The following OSGIN2 variants were observed in gnomAD, a reference collection of about 807,000 sequenced individuals.
The protein encoded by OSGIN2 is oxidative stress induced growth inhibitor family member 2.
In OSGIN2, 19 loss-of-function variants were observed where a neutral mutation model predicts 53.8. The ratio of observed to expected loss-of-function variants is 0.35; its 90% CI spans 0.25 to 0.52. OSGIN2 has a LOEUF of 0.52. OSGIN2 is among the 20% of genes least tolerant of loss of function. The pLI is 0.95. For missense variants in OSGIN2, 520 were observed against 662.7 expected, an observed-to-expected ratio of 0.78 and a Z score of 2.36; for synonymous variants, 236 against 236.0, an observed-to-expected ratio of 1.00 and a Z score of 0.00.
intron 2 of OSGIN2, among the ~76,000 whole-genome samples, chr8:89,910,648 A>G (rs1417442631): frequency 6.6e-6 from 1 of 152,198 alleles, no homozygotes; most frequent in Non-Finnish European, 1.5e-5. Context: ...GATATCAGGG[A>G]CCATACGTCA....
chr8:89,913,834 C>A (rs1809021153), intron 2 of OSGIN2, among the ~76,000 whole-genome samples: 1 of 152,066 alleles, frequency 6.6e-6, no homozygotes. Flanking sequence ...GGAAATAGGT[C>A]AATTTAGAGA....
chr8:89,909,627 T>G lies in OSGIN2; in HGVS notation c.105T>G (p.Gly35=). Residue 35 remains glycine, a synonymous_variant, in exon 2 of 6, where the codon GGT becomes GGG. Coordinates refer to ENST00000451899, the MANE Select transcript of OSGIN2 (RefSeq NM_001126111.3). Reference sequence around the variant, plus strand: ...TTAATTCCTTAGTGCAATACTTTGGTGACAACTTGGGGCGAAAAGTTAAAG... The same window carrying G: ...TTAATTCCTTAGTGCAATACTTTGGGGACAACTTGGGGCGAAAAGTTAAAG... ...EIFNSLVQYF[G]DNLGRKVKAM... is the part of the protein sequence containing the mutation. 1 of 1,610,322 alleles carries G rather than the reference T, an allele frequency of 6.2e-7. No homozygotes were observed. The highest frequency in any genetic ancestry group is 8.5e-7 in the Non-Finnish European group (1 of 1,177,308).
intron 5 of OSGIN2, among the ~76,000 whole-genome samples, chr8:89,921,498 A>T (rs1054786279): frequency 1.3e-5 from 2 of 152,040 alleles, no homozygotes; most frequent in African/African-American, 4.8e-5. Context: ...ATTTTTATGC[A>T]TTGATATATA....
At chr8:89,908,296 G>C (rs1808880637) in intron 1 of OSGIN2, among the ~76,000 whole-genome samples, 1 of 152,116 alleles carries the variant, frequency 6.6e-6, no homozygotes, top group Non-Finnish European at 1.5e-5. Flanking sequence ...GTCTGTTTTG[G>C]TCAAAAGAGG....
chr8:89,921,204 G>A, intron 5 of OSGIN2, 33 bp downstream of exon 5: 1 of 1,275,386 alleles, frequency 7.8e-7, no homozygotes, highest in Non-Finnish European at 1.1e-6. Flanking sequence ...ATTCTTTGGT[G>A]TACGTTGAAA....
At chr8:89,921,942 G>T (rs1809213911) in intron 5 of OSGIN2, among the ~76,000 whole-genome samples, 3 of 151,958 alleles carry the variant, frequency 2.0e-5, no homozygotes, top group Admixed American at 2.0e-4. Context: ...TCGCGCCACT[G>T]GACTCCAGCC....
At chr8:89,923,087 G>T (rs893547032) in intron 5 of OSGIN2, among the ~76,000 whole-genome samples, 2 of 152,188 alleles carry the variant, frequency 1.3e-5, no homozygotes, top group Non-Finnish European at 2.9e-5. Flanking sequence ...TGCTTTGGAT[G>T]AGTCAGTGAG....
chr8:89,904,067 T>C lies in OSGIN2; in HGVS notation c.44+1230T>C, dbSNP rs1272200658. On this transcript the variant is annotated intron_variant, in intron 1 of 5. Coordinates refer to ENST00000451899, the MANE Select transcript of OSGIN2 (RefSeq NM_001126111.3). The stretch of plus-strand genomic sequence containing the variant: ...AGCTTGTCTAACCTCTCAGTGAGTT[T>C]AGAATGAGTCTCTAGGTTGTGGATA... Among the ~76,000 whole-genome samples the C allele has an allele frequency of 2.0e-5, 3 of 152,356 alleles. No homozygotes were observed. In the East Asian group the frequency reaches 5.8e-4, roughly 29 times the overall value.
chr8:89,925,007 T>C lies in OSGIN2; in HGVS notation c.1125T>C (p.Phe375=). 1 of 1,614,058 alleles carries C rather than the reference T, an allele frequency of 6.2e-7. No homozygotes were observed. ...YNSNIPVIHV[F]RRRVTDPSLI... ...GTAATATCCCTGTGATTCATGTGTT[T>C]CGCAGACGAGTAACTGATCCAAGCT... Residue 375 remains phenylalanine, a synonymous_variant, in exon 6 of 6, where the codon TTT becomes TTC. Transcript: ENST00000451899.
At chr8:89,906,662 T>G (rs1808845369) in intron 1 of OSGIN2, among the ~76,000 whole-genome samples, 1 of 152,208 alleles carries the variant, frequency 6.6e-6, no homozygotes, top group Admixed American at 6.5e-5. Context: ...TACCATGTTT[T>G]CTTTATCCAG....
intron 2 of OSGIN2, among the ~76,000 whole-genome samples, chr8:89,911,305 T>C (rs1808961574): frequency 6.6e-6 from 1 of 152,156 alleles, no homozygotes; most frequent in Admixed American, 6.5e-5. Flanking sequence ...CCTTTTGCTC[T>C]GTAGTAACAT....
chr8:89,910,864 A>G (rs1178178319), intron 2 of OSGIN2, among the ~76,000 whole-genome samples: 5 of 152,180 alleles, frequency 3.3e-5, no homozygotes, highest in Non-Finnish European at 7.4e-5. Flanking sequence ...ATGTATATTT[A>G]TATAGTGTCA....
Position 89,914,146 on chromosome 8 carries a change from C to A in OSGIN2, c.269C>A (p.Ala90Glu). The A allele has an allele frequency of 6.3e-7, 1 of 1,596,828 alleles. No homozygotes were observed. Among genetic ancestry groups the A allele is most frequent in the Non-Finnish European group, 8.6e-7 (1 of 1,164,712 alleles). ...TACAGACCGTATTTATCATCAGAAG[C>A]AATACACCCAAATACAATCTTAAAT... ...SGYRPYLSSEAIHPNTILNSK... is the reference protein window; with the variant it reads ...SGYRPYLSSEEIHPNTILNSK... The change falls in exon 3 of 6, where the codon GCA becomes GAA. Residue 90 changes from alanine (A) to glutamate (E), a missense_variant. By Grantham distance (107) the Ala-to-Glu change is moderately radical (BLOSUM62 -1). Transcript: ENST00000451899.
intron 5 of OSGIN2, among the ~76,000 whole-genome samples, chr8:89,922,720 G>C (rs563862712): frequency 1.3e-5 from 2 of 152,124 alleles, no homozygotes; most frequent in Admixed American, 1.3e-4. Context: ...TAATACAGCC[G>C]TGTATTGCTT....
At position 89,927,042 on chromosome 8, in the gene OSGIN2, T is replaced by G. The variant is rs534205742; in HGVS notation, c.*1510T>G. On this transcript the variant is annotated 3_prime_UTR_variant, in exon 6 of 6. Transcript: ENST00000451899. ...ATCCAGTTTTAGTTTTCTATTGTGA[T>G]AATAACTTTTTTCAAACCAGTTTCA... is the stretch of plus-strand genomic sequence containing the variant. The G allele has an allele frequency of 5.3e-5, 8 of 152,302 alleles. No individual in the cohort carries two copies. In the East Asian group the frequency reaches 1.5e-3, roughly 29 times the overall value. The allele number at this position is 152,302 out of a possible 1,614,324, so 9.4% of individuals were successfully genotyped here.
At position 89,925,474 on chromosome 8, in the gene OSGIN2, C is replaced by T. The variant is rs146596067; in HGVS notation, c.1592C>T (p.Thr531Ile). The change falls in exon 6 of 6, where the codon ACA (threonine) becomes ATA (isoleucine). Residue 531 changes from threonine (T) to isoleucine (I), a missense_variant. Thr to Ile is a moderately conservative substitution (Grantham distance 89, BLOSUM62 -1). Transcript: ENST00000451899. Reference sequence around the variant, plus strand: ...CTGGGTGTTACACGCTGTTTAGCTACAAGACAGAAGAAAAAGCATTTGTTT... The same window carrying T: ...CTGGGTGTTACACGCTGTTTAGCTATAAGACAGAAGAAAAAGCATTTGTTT... ...GALGVTRCLA[T>I]RQKKKHLFVE... is the part of the protein sequence containing the mutation. 1 of 1,614,022 alleles carries T rather than the reference C, an allele frequency of 6.2e-7. No homozygotes were observed. The highest frequency in any genetic ancestry group is 8.5e-7 in the Non-Finnish European group (1 of 1,179,962).
intron 4 of OSGIN2, among the ~76,000 whole-genome samples, chr8:89,920,256 C>T (rs539365901): frequency 5.9e-5 from 9 of 152,092 alleles, no homozygotes; most frequent in Non-Finnish European, 1.3e-4. Flanking sequence ...TGAGGTTTCA[C>T]AGGGCCTAGT....
In OSGIN2 at chr8:89,924,847, T is replaced by A. The variant is rs769592158; in HGVS notation, c.965T>A (p.Phe322Tyr). 1.2e-6 allele frequency: 2 copies of A among 1,614,180 alleles called. No individual in the cohort carries two copies. The highest frequency in any genetic ancestry group is 1.7e-6 in the Non-Finnish European group (2 of 1,180,010). The change falls in exon 6 of 6, where the codon TTT becomes TAT. Residue 322 changes from phenylalanine to tyrosine, a missense_variant. Transcript: ENST00000451899. ...PAHLEIEGED[F>Y]PFVFHSMPEF... is the part of the protein sequence containing the mutation. The stretch of plus-strand genomic sequence containing the variant: ...CATCTGGAAATTGAAGGGGAAGATT[T>A]TCCTTTTGTGTTTCATTCAATGCCT...
chr8:89,918,805 T>C (rs920724062), intron 4 of OSGIN2, among the ~76,000 whole-genome samples: 2 of 152,246 alleles, frequency 1.3e-5, no homozygotes, highest in African/African-American at 4.8e-5. Context: ...CCTTGATTTC[T>C]CTTTCTTCAA....
Sources: allele counts gnomAD v4.1 joint callset (sites outside exome capture counted in the v4.1 genomes callset), GRCh38; gene constraint gnomAD v4.1.1; transcripts MANE v1.5; gene names NCBI Gene and HGNC (gene_info 2026-07-23, HGNC 2026-07-21).